The following ADNP variants were observed in gnomAD, a reference collection of about 807,000 sequenced individuals.
ADNP encodes activity-dependent neuroprotector homeobox protein.
In ADNP, 4 loss-of-function variants were observed where a neutral mutation model predicts 84.9. The ratio of observed to expected loss-of-function variants is 0.05; its 90% CI spans 0.02 to 0.11. ADNP has a LOEUF of 0.11. Among genes scored for constraint, ADNP ranks in the 10% least tolerant of loss-of-function variants. The pLI, the probability that ADNP is intolerant of heterozygous loss-of-function variation, is 1.00. For missense variants in ADNP, 1,132 were observed against 1,326.0 expected, an observed-to-expected ratio of 0.85 and a Z score of 2.27; for synonymous variants, 554 against 468.1, an observed-to-expected ratio of 1.18 and a Z score of -2.37.
chr20:50,914,139 TG>T lies in ADNP; in HGVS notation c.-89-9291del, dbSNP rs532658435. On this transcript the variant is annotated intron_variant, in intron 2 of 5. Transcript: ENST00000621696. The stretch of plus-strand genomic sequence containing the variant: ...CTAATCCAGATGGTAAGGATCATTA[TG>T]AGGCTACAGCAAAGCACCAGGCCAC... The T allele has an allele frequency of 6.7e-4, 517 of 769,920 alleles. 1 individual carries two copies. The African/African-American group carries it at 8.2e-3, about 12-fold the overall frequency. The allele number at this position is 769,920 out of a possible 1,614,324, so 47.7% of individuals were successfully genotyped here. A position where few individuals can be genotyped will look rare whatever the true frequency, so the allele number is the denominator to read the frequency against.
At chr20:50,904,069 G>C (rs1982242184) in intron 3 of ADNP, 68 bp from the exon 4 acceptor site, 1 of 1,214,094 alleles carries the variant, frequency 8.2e-7, no homozygotes, top group Non-Finnish European at 1.2e-6. Flanking sequence ...TAATTCCACT[G>C]ATGATAGGAT....
At chr20:50,902,521 TTTC>T (rs1229193684) in intron 4 of ADNP, among the ~76,000 whole-genome samples, 1 of 152,122 alleles carries the variant, frequency 6.6e-6, no homozygotes, top group African/African-American at 2.4e-5. Context: ...AAAAGATTTT[TTTC>T]GAGGGGAGGG....
chr20:50,929,121 T>C (rs1984479021), intron 1 of ADNP, among the ~76,000 whole-genome samples: 1 of 152,138 alleles, frequency 6.6e-6, no homozygotes, highest in South Asian at 2.1e-4. Context: ...TCTCAAAGAA[T>C]TGGAAAGATT....
chr20:50,924,134 A>G (rs1456380363), intron 2 of ADNP, among the ~76,000 whole-genome samples: 3 of 152,242 alleles, frequency 2.0e-5, no homozygotes, highest in Non-Finnish European at 4.4e-5. Context: ...AAGAAAGGGT[A>G]AAAGCCAGCA....
In ADNP at chr20:50,891,030, T is replaced by C. The variant is rs1600924670; in HGVS notation, c.*375A>G. The C allele has an allele frequency of 9.6e-7, 1 of 1,036,710 alleles. No homozygotes were observed. Among genetic ancestry groups the C allele is most frequent in the East Asian group, 8.6e-5 (1 of 11,670 alleles). 64.2% of individuals were successfully genotyped at this position (1,036,710 alleles called of 1,614,324 possible). A position where few individuals can be genotyped will look rare whatever the true frequency, so the allele number is the denominator to read the frequency against. On this transcript the variant is annotated 3_prime_UTR_variant, in exon 6 of 6. Coordinates refer to ENST00000621696, the MANE Select transcript of ADNP (RefSeq NM_001282531.3). The stretch of plus-strand genomic sequence containing the variant: ...CTACTATACACATTAGACTGGTAGC[T>C]TGTATGTTGGCCCTACACTACCATG...
In ADNP at chr20:50,899,009, T is replaced by C. The variant is rs564193415; in HGVS notation, c.201+3008A>G. On this transcript the variant is annotated intron_variant, in intron 5 of 5. Coordinates refer to ENST00000621696, the MANE Select transcript of ADNP (RefSeq NM_001282531.3). The stretch of plus-strand genomic sequence containing the variant: ...AATTTCTGTCACCTAGTATTTACTA[T>C]ACAGTTGACTCTTCAACAACATAGG... 2.6e-5 allele frequency among the ~76,000 whole-genome samples: 4 copies of C among 152,332 alleles called. No individual in the cohort carries two copies. In the East Asian group the frequency reaches 5.8e-4, roughly 22 times the overall value.
At chr20:50,925,080 G>A (rs1483703207) in intron 2 of ADNP, among the ~76,000 whole-genome samples, 2 of 152,138 alleles carry the variant, frequency 1.3e-5, no homozygotes, top group Admixed American at 1.3e-4. Context: ...AAGCTTGTGA[G>A]TGAAATCTCA....
At chr20:50,930,359 A>C (rs1601004750) in intron 1 of ADNP, among the ~76,000 whole-genome samples, 2 of 147,666 alleles carry the variant, frequency 1.4e-5, no homozygotes, top group South Asian at 2.3e-4. Context: ...GCCCCCCCCA[A>C]CCCCGTCCCC....
chr20:50,890,036 T>TG lies in ADNP; in HGVS notation c.*1368_*1369insC. ...AATTAATGCCAATCCATGTTTACAT[T>TG]TTTTTTTTTATCATTGAGACATTTA... On this transcript the variant is annotated 3_prime_UTR_variant, in exon 6 of 6. Transcript: ENST00000621696. 4.4e-6 allele frequency: 1 copy of TG among 228,090 alleles called. No homozygotes were observed. 14.1% of individuals were successfully genotyped at this position (228,090 alleles called of 1,614,324 possible).
intron 5 of ADNP, among the ~76,000 whole-genome samples, chr20:50,901,466 C>T (rs1981977982): frequency 6.6e-6 from 1 of 151,616 alleles, no homozygotes; most frequent in African/African-American, 2.4e-5. Flanking sequence ...TGACAATTAC[C>T]TCTCTCTATG....
At chr20:50,908,812 T>G (rs1252623656) in intron 2 of ADNP, among the ~76,000 whole-genome samples, 1 of 151,922 alleles carries the variant, frequency 6.6e-6, no homozygotes, top group East Asian at 1.9e-4. Flanking sequence ...TGATTCTCCT[T>G]TATAAATGTG....
intron 2 of ADNP, chr20:50,914,304 GA>G: frequency 1.4e-6 from 1 of 693,864 alleles, no homozygotes; most frequent in Non-Finnish European, 2.7e-6. Context: ...GTGTCCCAAG[GA>G]GCAATATTTA....
intron 2 of ADNP, among the ~76,000 whole-genome samples, chr20:50,919,080 C>G (rs993060703): frequency 1.3e-5 from 2 of 151,922 alleles, no homozygotes; most frequent in Non-Finnish European, 2.9e-5. Context: ...TTTATGTCTA[C>G]AAATTATTAT....
intron 3 of ADNP, 148 bp from the exon 4 acceptor site, chr20:50,904,149 A>G: frequency 3.3e-6 from 2 of 615,216 alleles, no homozygotes; most frequent in Middle Eastern, 4.4e-4. Flanking sequence ...ACACAGACAC[A>G]CACCTGCTTT....
At chr20:50,913,949 C>T in intron 2 of ADNP, 2 of 693,226 alleles carry the variant, frequency 2.9e-6, no homozygotes, top group South Asian at 3.1e-5. Context: ...CGAGATTGGT[C>T]TCCTCTTCAG....
chr20:50,894,987 A>G (rs762113535), intron 5 of ADNP, among the ~76,000 whole-genome samples: 1 of 152,202 alleles, frequency 6.6e-6, no homozygotes, highest in Non-Finnish European at 1.5e-5. Flanking sequence ...TAAACCAAAT[A>G]TTTTTGTCAG....
At chr20:50,922,391 CCTT>C (rs1379432610) in intron 2 of ADNP, among the ~76,000 whole-genome samples, 2 of 152,124 alleles carry the variant, frequency 1.3e-5, no homozygotes, top group Non-Finnish European at 2.9e-5. Flanking sequence ...AAGACCCCCT[CCTT>C]GAGTTCTATT....
intron 5 of ADNP, among the ~76,000 whole-genome samples, chr20:50,895,495 G>A (rs769225037): frequency 1.3e-5 from 2 of 152,132 alleles, no homozygotes; most frequent in East Asian, 3.8e-4. Context: ...GAAAGCCTGG[G>A]ACATTACTGT....
At chr20:50,895,873 T>TTA (rs1416458519) in intron 5 of ADNP, among the ~76,000 whole-genome samples, 2 of 152,136 alleles carry the variant, frequency 1.3e-5, no homozygotes, top group Non-Finnish European at 1.5e-5. Context: ...TTGCTGTGGT[T>TTA]TATACACTTT....
Sources: allele counts gnomAD v4.1 joint callset (sites outside exome capture counted in the v4.1 genomes callset), GRCh38; gene constraint gnomAD v4.1.1; transcripts MANE v1.5; gene names NCBI Gene and HGNC (gene_info 2026-07-23, HGNC 2026-07-21).